The following SEMA6D variants were observed in gnomAD, a reference collection of about 807,000 sequenced individuals.
SEMA6D encodes the protein semaphorin 6D.
Under a neutral mutation model 106.6 loss-of-function variants are expected in SEMA6D, and 35 were observed. The observed-to-expected ratio is 0.33, with a 90% confidence interval of 0.25 to 0.44. SEMA6D has a LOEUF of 0.44. Among genes scored for constraint, SEMA6D ranks in the 20% least tolerant of loss-of-function variants. SEMA6D has a pLI of 1.00. For synonymous variants in SEMA6D, 499 were observed against 487.7 expected (o/e 1.02, Z -0.31); for missense variants, 1,185 against 1,345.9 (o/e 0.88, Z 1.87).
intron 1 of SEMA6D, among the ~76,000 whole-genome samples, chr15:47,307,379 A>C (rs546276087): frequency 3.3e-5 from 5 of 152,330 alleles, no homozygotes; most frequent in African/African-American, 1.2e-4. Flanking sequence ...AACCTGGAAA[A>C]AGATTAAAAA....
intron 3 of SEMA6D, among the ~76,000 whole-genome samples, chr15:47,529,077 T>G (rs1596249483): frequency 3.3e-5 from 5 of 152,322 alleles, no homozygotes; most frequent in African/African-American, 1.2e-4. Flanking sequence ...ACACACATGT[T>G]TATGTTATAT....
At chr15:47,755,252 G>C (rs1245446435) in intron 1 of SEMA6D, among the ~76,000 whole-genome samples, 2 of 151,972 alleles carry the variant, frequency 1.3e-5, no homozygotes, top group Admixed American at 1.3e-4. Flanking sequence ...CCTTGTTGTT[G>C]AATTTTTATT....
chr15:47,427,354 A>G (rs1294943228), intron 2 of SEMA6D, among the ~76,000 whole-genome samples: 4 of 152,102 alleles, frequency 2.6e-5, no homozygotes, highest in African/African-American at 4.8e-5. Flanking sequence ...GATGCTATGC[A>G]CTCATGTACA....
chr15:47,427,963 G>A (rs1243723197), intron 2 of SEMA6D, among the ~76,000 whole-genome samples: 1 of 151,968 alleles, frequency 6.6e-6, no homozygotes, highest in African/African-American at 2.4e-5. Context: ...ATAGAATGGG[G>A]TATACGAAAC....
chr15:47,551,959 G>T (rs2142413293), intron 3 of SEMA6D, among the ~76,000 whole-genome samples: 1 of 152,062 alleles, frequency 6.6e-6, no homozygotes, highest in Non-Finnish European at 1.5e-5. Context: ...GGTATCAAGA[G>T]CTACCAAATT....
intron 2 of SEMA6D, among the ~76,000 whole-genome samples, chr15:47,467,039 T>A (rs1011538665): frequency 2.0e-5 from 3 of 152,042 alleles, no homozygotes; most frequent in Admixed American, 6.6e-5. Flanking sequence ...TATTTTTAGT[T>A]TTTTTGAGGT....
intron 1 of SEMA6D, among the ~76,000 whole-genome samples, chr15:47,369,807 A>G (rs1283032945): frequency 6.6e-6 from 1 of 152,248 alleles, no homozygotes; most frequent in East Asian, 1.9e-4. Flanking sequence ...AATGAGCAGT[A>G]AGCAGTCACA....
chr15:47,272,952 T>G (rs1190255006), intron 1 of SEMA6D: 1 of 152,156 alleles, frequency 6.6e-6, no homozygotes, highest in East Asian at 1.9e-4. Context: ...GTCATCTAAT[T>G]TCACCTGTAA....
intron 17 of SEMA6D, chr15:47,767,604 G>A (rs1253550427): frequency 6.6e-6 from 1 of 152,286 alleles, no homozygotes; most frequent in South Asian, 2.1e-4. Context: ...AAAGGCTTCA[G>A]TGGAGTGAAG....
At chr15:47,759,182 C>G (rs192879093) in intron 1 of SEMA6D, among the ~76,000 whole-genome samples, 56 of 152,132 alleles carry the variant, frequency 3.7e-4, no homozygotes, top group Admixed American at 3.7e-3. Flanking sequence ...CCACGTTGGT[C>G]GTAGTAAGCA....
rs187713732 is a variant in SEMA6D, at chr15:47,326,318, C to G, written c.-238-86075C>G. Among the ~76,000 whole-genome samples the G allele has an allele frequency of 2.6e-5, 4 of 152,254 alleles. No homozygotes were observed. The East Asian group carries it at 7.7e-4, about 29-fold the overall frequency. On this transcript the variant is annotated intron_variant, in intron 1 of 19. Transcript: ENST00000558014. The stretch of plus-strand genomic sequence containing the variant: ...ATGGCAATAATGACTGTGCTTTTAA[C>G]AAGTGCAGCAGTCACACTACCCTCA...
intron 3 of SEMA6D, among the ~76,000 whole-genome samples, chr15:47,562,325 G>A (rs1455710608): frequency 2.0e-5 from 3 of 152,000 alleles, no homozygotes; most frequent in Admixed American, 6.6e-5. Flanking sequence ...GACCTAAAAT[G>A]TAGGAACTTA....
intron 3 of SEMA6D, among the ~76,000 whole-genome samples, chr15:47,478,864 G>A (rs1196919970): frequency 1.3e-5 from 2 of 152,152 alleles, no homozygotes; most frequent in African/African-American, 2.4e-5. Flanking sequence ...AGAAGACGAA[G>A]GAGGGGCAAA....
At chr15:47,558,009 G>A (rs2045964577) in intron 3 of SEMA6D, among the ~76,000 whole-genome samples, 1 of 152,008 alleles carries the variant, frequency 6.6e-6, no homozygotes. Flanking sequence ...CTTGAGTTTG[G>A]AAGAATGATC....
chr15:47,762,946 T>C (rs1597059678), intron 8 of SEMA6D, 70 bp from the exon 9 acceptor site: 1 of 1,139,786 alleles, frequency 8.8e-7, no homozygotes, highest in South Asian at 1.4e-5. Context: ...TCAGTCATGC[T>C]TTGCAGTCGG....
chr15:47,700,848 G>A (rs112179469), intron 4 of SEMA6D, among the ~76,000 whole-genome samples: 2 of 152,184 alleles, frequency 1.3e-5, no homozygotes, highest in South Asian at 2.1e-4. Flanking sequence ...AGAAGCAAAT[G>A]TAATACAATG....
chr15:47,372,808 C>T lies in SEMA6D; in HGVS notation c.-238-39585C>T, dbSNP rs1255454595. 5.3e-5 allele frequency among the ~76,000 whole-genome samples: 8 copies of T among 152,294 alleles called. No homozygotes were observed. In the East Asian group the frequency reaches 5.8e-4, roughly 11 times the overall value. On this transcript the variant is annotated intron_variant, in intron 1 of 19. Coordinates refer to the SEMA6D transcript ENST00000558014. ...TGTTATCCTACTGCCACCCAAGCTA[C>T]GTTTTCACTAGACCATCTTCCACTG...
intron 1 of SEMA6D, among the ~76,000 whole-genome samples, chr15:47,338,663 C>T (rs552648157): frequency 1.3e-5 from 2 of 152,240 alleles, no homozygotes; most frequent in African/African-American, 4.8e-5. Flanking sequence ...GAATGAGGTT[C>T]TAGTAATGTG....
chr15:47,473,531 G>A (rs769245679), intron 3 of SEMA6D, among the ~76,000 whole-genome samples: 2 of 152,132 alleles, frequency 1.3e-5, no homozygotes, highest in African/African-American at 2.4e-5. Context: ...TCTCCATCAA[G>A]TCCTCAGGAA....
Sources: gnomAD v4.1 joint callset for allele counts (sites outside exome capture counted in the v4.1 genomes callset) on GRCh38, gnomAD v4.1.1 for gene constraint, MANE v1.5 for transcripts, NCBI Gene and HGNC (gene_info 2026-07-23, HGNC 2026-07-21) for gene names.